VBP1: variants seen among roughly 807,000 people sequenced by gnomAD.
The protein encoded by VBP1 is prefoldin subunit 3.
VBP1 carries 4 observed loss-of-function variants against 15.5 expected under a neutral mutation model. The ratio of observed to expected loss-of-function variants is 0.26; its 90% CI spans 0.13 to 0.59. VBP1 has a LOEUF of 0.59. VBP1 is among the 20% of genes least tolerant of loss of function. VBP1 has a pLI of 0.90. For synonymous variants in VBP1, 61 were observed against 52.1 expected (o/e 1.17, Z -0.74); for missense variants, 108 against 139.6 (o/e 0.77, Z 1.14).
At chrX:155,237,801 G>C (rs1178843406) in intron 5 of VBP1, among the ~76,000 whole-genome samples, 1 of 112,332 alleles carries the variant, frequency 8.9e-6, no homozygotes, top group Non-Finnish European at 1.9e-5. Context: ...TTTCTTGTGT[G>C]CTTGCTTAAC....
At position 155,205,612 on chromosome X, in the gene VBP1, A is replaced by G. The variant is rs782484698; in HGVS notation, c.-30-3262A>G. ...CTCCCTGCTTCTGCCCTTGCTCCCTACAGTGTTCTTCACACTGCAGCCAGA... is the reference window on the plus strand; with the variant it reads ...CTCCCTGCTTCTGCCCTTGCTCCCTGCAGTGTTCTTCACACTGCAGCCAGA... On this transcript the variant is annotated intron_variant, in intron 1 of 6. Transcript: ENST00000535916. 6.3e-5 allele frequency among the ~76,000 whole-genome samples: 7 copies of G among 111,296 alleles called. 1 individual carries two copies. The highest frequency in any genetic ancestry group is 2.9e-4 in the Admixed American group (3 of 10,434).
intron 2 of VBP1, among the ~76,000 whole-genome samples, chrX:155,224,287 G>A (rs1201431229): frequency 1.8e-5 from 2 of 112,565 alleles, no homozygotes; most frequent in Admixed American, 9.3e-5. Flanking sequence ...CCGAGATCAC[G>A]CCACTGCACT....
At chrX:155,203,973 C>G (rs2124040954) in intron 1 of VBP1, among the ~76,000 whole-genome samples, 1 of 111,519 alleles carries the variant, frequency 9.0e-6, no homozygotes, top group African/African-American at 3.3e-5. Flanking sequence ...ATGATTTGCA[C>G]AGCTATCGGA....
intron 1 of VBP1, among the ~76,000 whole-genome samples, chrX:155,216,830 C>T (rs2074667169): frequency 8.9e-6 from 1 of 111,961 alleles, no homozygotes; most frequent in Non-Finnish European, 1.9e-5. Context: ...GGGCGAGGGG[C>T]GGCGGGTGGC....
At chrX:155,211,779 T>C (rs782700262), upstream of VBP1, among the ~76,000 whole-genome samples, 127 of 112,203 alleles carry the variant, frequency 1.1e-3, no homozygotes, top group African/African-American at 4.0e-3. Context: ...AACAGATGTC[T>C]ATCTGAGGGA....
chrX:155,206,335 G>T (rs1379578426), intron 1 of VBP1, among the ~76,000 whole-genome samples: 3 of 109,531 alleles, frequency 2.7e-5, no homozygotes, highest in Non-Finnish European at 5.7e-5. Flanking sequence ...TTGGGTTCAC[G>T]CCATTCTCCT....
chrX:155,230,999 C>T (rs1557310804), intron 4 of VBP1, among the ~76,000 whole-genome samples: 1 of 112,190 alleles, frequency 8.9e-6, no homozygotes, highest in Non-Finnish European at 1.9e-5. Flanking sequence ...CTCTTACTTC[C>T]TCGCTTGGCC....
intron 1 of VBP1, among the ~76,000 whole-genome samples, chrX:155,197,369 G>A (rs190328697): frequency 9.0e-6 from 1 of 111,402 alleles, no homozygotes; most frequent in Non-Finnish European, 1.9e-5. Context: ...AACCTCTTAA[G>A]GAAAGATAAT....
At chrX:155,207,712 T>A (rs189735096) in intron 1 of VBP1, among the ~76,000 whole-genome samples, 2 of 112,048 alleles carry the variant, frequency 1.8e-5, no homozygotes, top group African/African-American at 6.5e-5. Flanking sequence ...TATGTGGGTA[T>A]TTTTTTAAGA....
chrX:155,229,655 GTTTCTC>G (rs782031576), intron 4 of VBP1, among the ~76,000 whole-genome samples: 4 of 111,265 alleles, frequency 3.6e-5, no homozygotes, highest in Non-Finnish European at 7.5e-5. Flanking sequence ...CTGTTCTTCT[GTTTCTC>G]TTTCTCTTCA....
At chrX:155,210,089 T>C (rs1214370781) in intron 2 of VBP1, among the ~76,000 whole-genome samples, 2 of 111,176 alleles carry the variant, frequency 1.8e-5, no homozygotes, top group Non-Finnish European at 3.8e-5. Flanking sequence ...ATTTTAATGG[T>C]TAATAATTCA....
At chrX:155,203,423 T>C (rs1163559408) in intron 1 of VBP1, among the ~76,000 whole-genome samples, 51 of 110,539 alleles carry the variant, frequency 4.6e-4, no homozygotes, top group Non-Finnish European at 8.7e-4. Flanking sequence ...TGGAATACTA[T>C]GCAGCCATAA....
chrX:155,210,377 C>T (rs190968414), intron 2 of VBP1, among the ~76,000 whole-genome samples: 1 of 111,790 alleles, frequency 8.9e-6, no homozygotes, highest in East Asian at 2.8e-4. Context: ...CTGCTTGAGC[C>T]CAGGAGTTTG....
chrX:155,203,063 C>T (rs1220345366), intron 1 of VBP1, among the ~76,000 whole-genome samples: 4 of 112,056 alleles, frequency 3.6e-5, no homozygotes, highest in Non-Finnish European at 7.5e-5. Context: ...CAATGAGATA[C>T]CGTCTCACAC....
At chrX:155,210,004 G>A (rs782778232) in intron 2 of VBP1, among the ~76,000 whole-genome samples, 39 of 111,302 alleles carry the variant, frequency 3.5e-4, no homozygotes, top group Non-Finnish European at 5.8e-4. Flanking sequence ...TAAAATAAAC[G>A]TTTACTTGGA....
At chrX:155,210,869 A>T (rs185131439) in intron 2 of VBP1, among the ~76,000 whole-genome samples, 1 of 111,847 alleles carries the variant, frequency 8.9e-6, no homozygotes, top group African/African-American at 3.2e-5. Context: ...ACATAAACTC[A>T]CCTTGCCATG....
At chrX:155,224,676 T>A (rs1352910516) in intron 2 of VBP1, among the ~76,000 whole-genome samples, 1 of 112,296 alleles carries the variant, frequency 8.9e-6, no homozygotes, top group African/African-American at 3.2e-5. Context: ...CATTTAACTT[T>A]ACCCTTCAAG....
chrX:155,207,835 A>G (rs1458228606), intron 1 of VBP1, among the ~76,000 whole-genome samples: 6 of 111,717 alleles, frequency 5.4e-5, no homozygotes, highest in Non-Finnish European at 9.4e-5. Flanking sequence ...ATCCTTTCCA[A>G]TGTGTATGTT....
chrX:155,220,134 G>C, intron 1 of VBP1, 49 bp from the exon 2 acceptor site: 1 of 1,136,099 alleles, frequency 8.8e-7, no homozygotes, highest in Non-Finnish European at 1.2e-6. Flanking sequence ...CAAAAAATCT[G>C]AGTGGCATGA....
Sources: gnomAD v4.1 joint callset for allele counts (sites outside exome capture counted in the v4.1 genomes callset) on GRCh38, gnomAD v4.1.1 for gene constraint, MANE v1.5 for transcripts, NCBI Gene and HGNC (gene_info 2026-07-23, HGNC 2026-07-21) for gene names.